Variants in DOCK8 observed in about 807,000 individuals in gnomAD.
The protein encoded by DOCK8 is dedicator of cytokinesis 8.
DOCK8 carries 141 observed loss-of-function variants against 245.6 expected under a neutral mutation model. That is an observed-to-expected ratio of 0.57 (90% CI 0.50 to 0.66). DOCK8 has a LOEUF of 0.66. DOCK8 is among the 30% of genes least tolerant of loss of function. DOCK8 has a pLI of 0.00. For synonymous variants in DOCK8, 1,168 were observed against 970.2 expected (o/e 1.20, Z -3.79); for missense variants, 2,965 against 2,603.4 (o/e 1.14, Z -3.02).
chr9:227,307 G>T (rs140807533), intron 1 of DOCK8, among the ~76,000 whole-genome samples: 1 of 152,174 alleles, frequency 6.6e-6, no homozygotes, highest in African/African-American at 2.4e-5. Context: ...TACTTCCCTC[G>T]TAGAGGTTTT....
upstream of DOCK8, chr9:214,743 C>T (rs751369989): frequency 5.3e-6 from 8 of 1,521,220 alleles, no homozygotes; most frequent in African/African-American, 7.2e-5. Flanking sequence ...GCCCTCCTCG[C>T]CCGCCGCTGC....
chr9:332,528 T>C (rs1353997282), intron 10 of DOCK8, 50 bp downstream of exon 10: 1 of 1,374,078 alleles, frequency 7.3e-7, no homozygotes, highest in Non-Finnish European at 1.0e-6. Context: ...AAGAAGCAGG[T>C]ATTTTCAGAA....
intron 1 of DOCK8, among the ~76,000 whole-genome samples, chr9:267,256 G>A (rs1220627079): frequency 6.6e-6 from 1 of 152,204 alleles, no homozygotes; most frequent in Non-Finnish European, 1.5e-5. Flanking sequence ...CCAAGCTGGA[G>A]TGCAGCAGGC....
At chr9:384,859 T>G (rs754477224) in intron 22 of DOCK8, among the ~76,000 whole-genome samples, 2 of 152,070 alleles carry the variant, frequency 1.3e-5, no homozygotes, top group Admixed American at 6.6e-5. Context: ...GAGCTTGCAG[T>G]AAGCCAAGAT....
chr9:236,095 C>T (rs954521370), intron 1 of DOCK8, among the ~76,000 whole-genome samples: 4 of 152,182 alleles, frequency 2.6e-5, no homozygotes, highest in African/African-American at 9.7e-5. Flanking sequence ...GTGGTTGGCC[C>T]TGCAGGCTTG....
In DOCK8 at chr9:396,819, A is replaced by G; in HGVS notation, c.3005A>G (p.Asp1002Gly). The G allele has an allele frequency of 6.2e-7, 1 of 1,614,168 alleles. No individual in the cohort carries two copies. Among genetic ancestry groups the G allele is most frequent in the South Asian group, 1.1e-5 (1 of 91,078 alleles). The change falls in exon 25 of 48, where the codon GAC (aspartate) becomes GGC (glycine). Residue 1002 changes from aspartate (D) to glycine (G), a missense_variant. Physicochemically the swap from Asp to Gly is moderately conservative, Grantham distance 94. Transcript: ENST00000432829. ...KSMAQHVHNMDKRDSFRRTRF... is the reference protein window; with the variant it reads ...KSMAQHVHNMGKRDSFRRTRF... The stretch of plus-strand genomic sequence containing the variant: ...ATGGCCCAGCACGTACATAACATGG[A>G]CAAACGGGACAGTTTTCGGAGGACT...
chr9:452,274 A>C (rs1249380972), intron 46 of DOCK8, among the ~76,000 whole-genome samples, 157 bp downstream of exon 46: 3 of 152,154 alleles, frequency 2.0e-5, no homozygotes, highest in Non-Finnish European at 4.4e-5. Flanking sequence ...GGTGTGGCTC[A>C]GCAATGTGCA....
rs188891711 is a variant in DOCK8 at position 361,324 on chromosome 9, T to C, written c.1680-6694T>C. Among the ~76,000 whole-genome samples the C allele has an allele frequency of 1.6e-3, 237 of 152,296 alleles. 3 individuals are homozygous for C. Among genetic ancestry groups the C allele is most frequent in the Admixed American group, 0.012 (187 of 15,300 alleles). On this transcript the variant is annotated intron_variant, in intron 14 of 47. Transcript: ENST00000432829. ...GAAGAGAGGATCCCAGACAGATTGA[T>C]TGACTTCCCAGGTAACATATAATAT... is the stretch of plus-strand genomic sequence containing the variant.
chr9:420,642 T>G (rs2056239173), intron 31 of DOCK8, 59 bp downstream of exon 31: 3 of 1,602,280 alleles, frequency 1.9e-6, no homozygotes, highest in South Asian at 1.1e-5. Flanking sequence ...CAATTCTGTC[T>G]TCTTACTCAT....
chr9:238,852 C>T (rs1299045640), intron 1 of DOCK8, among the ~76,000 whole-genome samples: 2 of 152,172 alleles, frequency 1.3e-5, no homozygotes, highest in African/African-American at 2.4e-5. Flanking sequence ...TATTCCAGTT[C>T]GGGGTCGTGG....
At chr9:396,077 G>T (rs1171944577) in intron 24 of DOCK8, among the ~76,000 whole-genome samples, 2 of 151,466 alleles carry the variant, frequency 1.3e-5, no homozygotes, top group African/African-American at 4.9e-5. Context: ...TGTGTCATTT[G>T]GTGACTGTCT....
intron 2 of DOCK8, among the ~76,000 whole-genome samples, chr9:279,999 G>T (rs988983549): frequency 6.6e-6 from 1 of 152,180 alleles, no homozygotes; most frequent in African/African-American, 2.4e-5. Flanking sequence ...ATACTACACT[G>T]TGTTAGGAGC....
At chr9:409,265 A>G (rs1431651323) in intron 28 of DOCK8, among the ~76,000 whole-genome samples, 1 of 152,212 alleles carries the variant, frequency 6.6e-6, no homozygotes, top group Non-Finnish European at 1.5e-5. Flanking sequence ...ACACCTGGGT[A>G]TATCCACAAG....
At chr9:273,184 C>T (rs1187468364) in intron 2 of DOCK8, 3 of 718,374 alleles carry the variant, frequency 4.2e-6, no homozygotes, top group African/African-American at 4.0e-5. Flanking sequence ...GTACGAAAAA[C>T]CTATAGCATC....
intron 26 of DOCK8, among the ~76,000 whole-genome samples, chr9:400,145 C>T (rs1378846761): frequency 1.8e-4 from 14 of 79,492 alleles, no homozygotes; most frequent in African/African-American, 5.9e-4. Context: ...ACCACCACCT[C>T]CACCATCACC....
chr9:411,354 A>G (rs2055717244), intron 28 of DOCK8, among the ~76,000 whole-genome samples: 1 of 152,152 alleles, frequency 6.6e-6, no homozygotes, highest in Non-Finnish European at 1.5e-5. Flanking sequence ...CAGAGGTTGC[A>G]GTGAGCCAAG....
chr9:218,960 A>T (rs1201677749), intron 1 of DOCK8, among the ~76,000 whole-genome samples: 2 of 152,216 alleles, frequency 1.3e-5, no homozygotes, highest in Non-Finnish European at 2.9e-5. Flanking sequence ...CAGAGAAGAT[A>T]TAGAAATTGT....
At chr9:415,038 G>C in intron 29 of DOCK8, 87 bp downstream of exon 29, 1 of 1,543,282 alleles carries the variant, frequency 6.5e-7, no homozygotes, top group Non-Finnish European at 8.9e-7. Flanking sequence ...ATTCGTTCCA[G>C]TGCTGATATG....
At position 344,286 on chromosome 9, in the gene DOCK8, T is replaced by G. The variant is rs192812786; in HGVS notation, c.1679+3965T>G. 4.3e-3 allele frequency among the ~76,000 whole-genome samples: 654 copies of G among 152,360 alleles called. 3 individuals are homozygous for G. Among genetic ancestry groups the G allele is most frequent in the Non-Finnish European group, 5.5e-3 (371 of 68,036 alleles). On this transcript the variant is annotated intron_variant, in intron 14 of 47. Transcript: ENST00000432829. ...TAGTCTATTTAAGGAAAGAGAGAGA[T>G]AATGAACTTGGTTTGGAATCTTACT...
Sources: gnomAD v4.1 joint callset for allele counts (sites outside exome capture counted in the v4.1 genomes callset) on GRCh38, gnomAD v4.1.1 for gene constraint, MANE v1.5 for transcripts, NCBI Gene and HGNC (gene_info 2026-07-23, HGNC 2026-07-21) for gene names.